The following SEMA3D variants were observed in gnomAD, a reference collection of about 807,000 sequenced individuals.
The protein encoded by SEMA3D is semaphorin-3D.
In SEMA3D, 84 loss-of-function variants were observed where a neutral mutation model predicts 100.1. That is an observed-to-expected ratio of 0.84 (90% confidence interval 0.70 to 1.01). SEMA3D has a LOEUF of 1.01. Among genes scored for constraint, SEMA3D ranks in the 50% least tolerant of loss-of-function variants. SEMA3D has a pLI of 0.00. For missense variants in SEMA3D, 875 were observed against 934.1 expected, an observed-to-expected ratio of 0.94 and a Z score of 0.82; for synonymous variants, 312 against 320.7, an observed-to-expected ratio of 0.97 and a Z score of 0.29.
intron 12 of SEMA3D, among the ~76,000 whole-genome samples, chr7:85,033,602 G>A (rs909415071): frequency 2.6e-5 from 4 of 151,972 alleles, no homozygotes; most frequent in African/African-American, 9.7e-5. Context: ...ATAATTTGTT[G>A]TTGTTGTAAT....
At chr7:85,098,655 C>A (rs1447120847) in intron 3 of SEMA3D, among the ~76,000 whole-genome samples, 1 of 151,856 alleles carries the variant, frequency 6.6e-6, no homozygotes, top group East Asian at 1.9e-4. Context: ...ATAATTATTA[C>A]AATCAATAAA....
At chr7:85,150,346 A>AATATATATATATATATATATATATAAT (rs3078412) in intron 2 of SEMA3D, among the ~76,000 whole-genome samples, 1 of 121,238 alleles carries the variant, frequency 8.2e-6, no homozygotes, top group Non-Finnish European at 1.7e-5. Context: ...CTTTTCTAGA[A>AATATATATATATATATATATATATAAT]ATATATATAT....
chr7:85,015,302 T>A, intron 15 of SEMA3D, 86 bp from the exon 16 acceptor site: 1 of 1,276,692 alleles, frequency 7.8e-7, no homozygotes, highest in Non-Finnish European at 1.1e-6. Flanking sequence ...ACATAATACA[T>A]ATAAATCTGT....
intron 8 of SEMA3D, among the ~76,000 whole-genome samples, chr7:85,058,673 G>A (rs559557095): frequency 5.8e-4 from 88 of 150,678 alleles, no homozygotes; most frequent in African/African-American, 2.1e-3. Context: ...GCCTGAACCC[G>A]GGAGGCGCAG....
At chr7:85,054,120 A>T (rs1046433995) in intron 9 of SEMA3D, among the ~76,000 whole-genome samples, 2 of 152,030 alleles carry the variant, frequency 1.3e-5, no homozygotes, top group Non-Finnish European at 2.9e-5. Context: ...TCTGAGATTA[A>T]CTTTCAGTAT....
At chr7:85,037,125 A>C (rs1161025591) in intron 11 of SEMA3D, 92 bp from the exon 12 acceptor site, 1 of 1,264,718 alleles carries the variant, frequency 7.9e-7, no homozygotes, top group African/African-American at 1.5e-5. Flanking sequence ...CTGTGGACAA[A>C]ATTTACTTAG....
chr7:85,080,179 C>T (rs1384417604), intron 5 of SEMA3D, among the ~76,000 whole-genome samples: 3 of 152,050 alleles, frequency 2.0e-5, no homozygotes, highest in Admixed American at 2.0e-4. Context: ...AACTATTTTG[C>T]TTTGTATTTA....
intron 2 of SEMA3D, among the ~76,000 whole-genome samples, chr7:85,143,738 T>C (rs2116468651): frequency 6.6e-6 from 1 of 151,764 alleles, no homozygotes; most frequent in Admixed American, 6.6e-5. Flanking sequence ...TTTTTTTTTT[T>C]TGAGATGGAG....
At chr7:85,180,537 T>C (rs1791373423) in intron 1 of SEMA3D, among the ~76,000 whole-genome samples, 1 of 152,234 alleles carries the variant, frequency 6.6e-6, no homozygotes, top group Non-Finnish European at 1.5e-5. Context: ...ACATTTAAGA[T>C]AGACTTCATT....
At chr7:85,053,486 G>T (rs1791224290) in intron 9 of SEMA3D, among the ~76,000 whole-genome samples, 1 of 151,434 alleles carries the variant, frequency 6.6e-6, no homozygotes, top group African/African-American at 2.4e-5. Flanking sequence ...TGATGCTGAG[G>T]TCTTTTTTTG....
intron 3 of SEMA3D, among the ~76,000 whole-genome samples, chr7:85,119,257 A>G (rs1789338287): frequency 6.6e-6 from 1 of 152,212 alleles, no homozygotes; most frequent in South Asian, 2.1e-4. Context: ...CTGCAATCCC[A>G]TTACTGGGTA....
At chr7:85,177,168 T>G (rs1319067501) in intron 1 of SEMA3D, among the ~76,000 whole-genome samples, 2 of 152,150 alleles carry the variant, frequency 1.3e-5, no homozygotes, top group Non-Finnish European at 2.9e-5. Context: ...GTGCATGTAT[T>G]CAGACATGGA....
intron 13 of SEMA3D, among the ~76,000 whole-genome samples, chr7:85,021,686 A>G (rs1790261287): frequency 6.6e-6 from 1 of 151,832 alleles, no homozygotes; most frequent in Non-Finnish European, 1.5e-5. Flanking sequence ...TGATCCATTA[A>G]GTTATATAAT....
At position 85,158,725 on chromosome 7, in the gene SEMA3D, G is replaced by C. The variant is rs112290418; in HGVS notation, c.-172-4986C>G. Among the ~76,000 whole-genome samples, 1,070 of 152,158 alleles carry C rather than the reference G, an allele frequency of 7.0e-3. 12 individuals carry two copies. Among genetic ancestry groups the C allele is most frequent in the African/African-American group, 0.025 (1,023 of 41,506 alleles). ...ACTTGCTGGTTTTGCGGCTTGCGGG[G>C]CATCACGGAACCTGCCCACATGTGA... On this transcript the variant is annotated intron_variant, in intron 1 of 18. Coordinates refer to ENST00000284136, the MANE Select transcript of SEMA3D (RefSeq NM_001384900.1).
At chr7:85,018,444 C>T in intron 14 of SEMA3D, 151 bp from the exon 15 acceptor site, 1 of 597,372 alleles carries the variant, frequency 1.7e-6, no homozygotes, top group Non-Finnish European at 3.0e-6. Flanking sequence ...TTGCTATTTT[C>T]TTCCAAAATG....
chr7:85,156,949 A>G (rs1199158386), intron 1 of SEMA3D, among the ~76,000 whole-genome samples: 3 of 152,226 alleles, frequency 2.0e-5, no homozygotes, highest in Non-Finnish European at 2.9e-5. Context: ...GATGCCATTA[A>G]CACTTGGCAC....
intron 5 of SEMA3D, among the ~76,000 whole-genome samples, chr7:85,074,591 C>A (rs558684920): frequency 8.8e-4 from 134 of 151,530 alleles, no homozygotes; most frequent in African/African-American, 3.2e-3. Flanking sequence ...GTCTACAGAT[C>A]TGAAGATCTG....
Position 85,156,545 on chromosome 7 carries a change from C to T in SEMA3D, c.-172-2806G>A, listed in dbSNP as rs1790603164. ...ATCACATTTCAGAAAAATAATATCGCTTTAAGACCTATGGTCTTAACTACA... is the reference window on the plus strand; with the variant it reads ...ATCACATTTCAGAAAAATAATATCGTTTTAAGACCTATGGTCTTAACTACA... On this transcript the variant is annotated intron_variant, in intron 1 of 18. Transcript: ENST00000284136. Among the ~76,000 whole-genome samples the T allele has an allele frequency of 2.6e-5, 4 of 152,198 alleles. No individual in the cohort carries two copies. In the South Asian group the frequency reaches 8.3e-4, roughly 32 times the overall value.
intron 2 of SEMA3D, among the ~76,000 whole-genome samples, chr7:85,146,182 T>A (rs879937013): frequency 1.3e-5 from 2 of 152,186 alleles, no homozygotes; most frequent in African/African-American, 2.4e-5. Flanking sequence ...CATCTTACAG[T>A]TCTTTAATGA....
Sources: gnomAD v4.1 joint callset for allele counts (sites outside exome capture counted in the v4.1 genomes callset) on GRCh38, gnomAD v4.1.1 for gene constraint, MANE v1.5 for transcripts, NCBI Gene and HGNC (gene_info 2026-07-23, HGNC 2026-07-21) for gene names.